Variants in LRRFIP2 observed in about 807,000 individuals in gnomAD.
LRRFIP2 encodes leucine-rich repeat flightless-interacting protein 2.
LRRFIP2 carries 109 observed loss-of-function variants against 125.9 expected under a neutral mutation model. The observed-to-expected ratio is 0.87, with a 90% CI of 0.74 to 1.01. The LOEUF (loss-of-function observed/expected upper bound fraction) is 1.01, where lower values mean the gene tolerates loss of function less well. Ranked by LOEUF, LRRFIP2 falls within the 50% of genes least tolerant of loss-of-function variation. The pLI is 0.00. For missense variants in LRRFIP2, 850 were observed against 862.3 expected (o/e 0.99, Z 0.18); for synonymous variants, 291 against 293.1 (o/e 0.99, Z 0.07).
intron 19 of LRRFIP2, among the ~76,000 whole-genome samples, chr3:37,081,206 C>T (rs2092611342): frequency 6.6e-6 from 1 of 152,184 alleles, no homozygotes; most frequent in African/African-American, 2.4e-5. Context: ...CGTGCCACTG[C>T]ACTCCAGCCT....
intron 1 of LRRFIP2, chr3:37,170,636 G>C (rs1216456678): frequency 6.6e-6 from 1 of 152,100 alleles, no homozygotes; most frequent in African/African-American, 2.4e-5. Flanking sequence ...ATTTTAACTG[G>C]GGCCCTCCCT....
rs761775852 is a variant in LRRFIP2, at chr3:37,165,796, A to AGAAC, written c.-56+8742_-56+8743insGTTC. 1.9e-3 allele frequency among the ~76,000 whole-genome samples: 37 copies of AGAAC among 19,326 alleles called. 1 individual carries two copies. The highest frequency in any genetic ancestry group is 3.2e-3 in the Non-Finnish European group (27 of 8,516). The allele number at this position is 19,326 out of a possible 152,430, so 12.7% of individuals were successfully genotyped here. A position where few individuals can be genotyped will look rare whatever the true frequency, so the allele number is the denominator to read the frequency against. Reference sequence around the variant, plus strand: ...AAAAGAAAAGAAAAGAGAAAGAAAGAGAAAGAAAGAAAGAAAGAAAGAAAG... The same window carrying AGAAC: ...AAAAGAAAAGAAAAGAGAAAGAAAGAGAACGAAAGAAAGAAAGAAAGAAAGAAAG... On this transcript the variant is annotated intron_variant, in intron 1 of 27. Coordinates refer to ENST00000336686, the MANE Select transcript of LRRFIP2 (RefSeq NM_006309.4).
chr3:37,089,425 A>G (rs1444079178), intron 18 of LRRFIP2, among the ~76,000 whole-genome samples: 1 of 152,186 alleles, frequency 6.6e-6, no homozygotes, highest in African/African-American at 2.4e-5. Context: ...AGGCAAACAT[A>G]ATAACAGTAA....
At chr3:37,063,308 G>C (rs1187334065) in intron 24 of LRRFIP2, among the ~76,000 whole-genome samples, 1 of 152,122 alleles carries the variant, frequency 6.6e-6, no homozygotes, top group African/African-American at 2.4e-5. Context: ...GTGTGTGGCA[G>C]GGACAAAGGA....
At chr3:37,089,419 A>C (rs1050095651) in intron 18 of LRRFIP2, among the ~76,000 whole-genome samples, 1 of 152,190 alleles carries the variant, frequency 6.6e-6, no homozygotes, top group African/African-American at 2.4e-5. Flanking sequence ...TCCCAAAGGC[A>C]AACATAATAA....
chr3:37,162,904 T>C, intron 1 of LRRFIP2, among the ~76,000 whole-genome samples: 1 of 152,256 alleles, frequency 6.6e-6, no homozygotes, highest in East Asian at 1.9e-4. Flanking sequence ...GGAGCCTAGA[T>C]GGGCTGAAGA....
intron 1 of LRRFIP2, among the ~76,000 whole-genome samples, chr3:37,167,680 A>G (rs1179328961): frequency 6.6e-6 from 1 of 151,234 alleles, no homozygotes; most frequent in Non-Finnish European, 1.5e-5. Flanking sequence ...AAGAAAGAAA[A>G]AAGAAAAAAA....
intron 24 of LRRFIP2, among the ~76,000 whole-genome samples, chr3:37,061,270 G>A (rs1357781828): frequency 6.6e-6 from 1 of 152,188 alleles, no homozygotes; most frequent in African/African-American, 2.4e-5. Context: ...CCTAAGGTCA[G>A]GAGTTCAAGA....
At chr3:37,129,449 A>AT (rs138266109) in intron 2 of LRRFIP2, among the ~76,000 whole-genome samples, 2 of 152,060 alleles carry the variant, frequency 1.3e-5, no homozygotes, top group Non-Finnish European at 2.9e-5. Context: ...TTTTTCCAGA[A>AT]TTTTTTCCCC....
At chr3:37,133,659 C>T (rs11717310) in intron 2 of LRRFIP2, among the ~76,000 whole-genome samples, 56,724 of 151,730 alleles carry the variant, frequency 0.37, 11,399 homozygotes, top group Non-Finnish European at 0.45. Flanking sequence ...AAATGGGACT[C>T]ACTATTTAAT....
chr3:37,149,668 A>G (rs1023187259), intron 1 of LRRFIP2, among the ~76,000 whole-genome samples: 2 of 152,214 alleles, frequency 1.3e-5, no homozygotes, highest in Non-Finnish European at 2.9e-5. Context: ...TTACAAAAGT[A>G]ACTTTGCTTT....
chr3:37,070,729 C>CA (rs1168884034), intron 21 of LRRFIP2, among the ~76,000 whole-genome samples: 3 of 151,554 alleles, frequency 2.0e-5, no homozygotes, highest in Non-Finnish European at 2.9e-5. Context: ...GATTCCATCT[C>CA]AAAAAAAGAA....
At chr3:37,157,083 T>G (rs1304449086) in intron 1 of LRRFIP2, among the ~76,000 whole-genome samples, 1 of 152,014 alleles carries the variant, frequency 6.6e-6, no homozygotes, top group Non-Finnish European at 1.5e-5. Context: ...GAGCCAAGAT[T>G]GCACCATTGG....
chr3:37,118,971 A>G (rs1001671865), intron 6 of LRRFIP2, among the ~76,000 whole-genome samples: 3 of 152,248 alleles, frequency 2.0e-5, no homozygotes, highest in African/African-American at 7.2e-5. Flanking sequence ...TTTTAAAAGC[A>G]AATAATTTGA....
intron 13 of LRRFIP2, among the ~76,000 whole-genome samples, chr3:37,107,084 A>T (rs757913875): frequency 2.0e-5 from 3 of 151,998 alleles, no homozygotes; most frequent in Non-Finnish European, 4.4e-5. Flanking sequence ...GTGTATTTTT[A>T]GTAGAGGTGG....
At chr3:37,176,325 G>A (rs1466355914), upstream of LRRFIP2, 1 of 152,300 alleles carries the variant, frequency 6.6e-6, no homozygotes, top group Non-Finnish European at 1.5e-5. Flanking sequence ...GCCGACTGAG[G>A]AGGCGAAGGA....
intron 16 of LRRFIP2, 22 bp from the exon 17 acceptor site, chr3:37,094,930 T>G (rs1182179065): frequency 7.2e-7 from 1 of 1,379,832 alleles, no homozygotes; most frequent in African/African-American, 1.4e-5. Flanking sequence ...AATATGACCC[T>G]TCTAAGTCTC....
intron 13 of LRRFIP2, 69 bp downstream of exon 13, chr3:37,108,004 A>G: frequency 2.3e-6 from 3 of 1,286,994 alleles, no homozygotes; most frequent in Non-Finnish European, 3.4e-6. Context: ...TCAATATTCT[A>G]AACAGTGAGT....
At chr3:37,075,878 AAAACCCACTT>A (rs1284250495) in intron 19 of LRRFIP2, among the ~76,000 whole-genome samples, 1 of 152,178 alleles carries the variant, frequency 6.6e-6, no homozygotes. Context: ...GAATTCAGGA[AAAACCCACTT>A]AAATATACAA....
Sources: gnomAD v4.1 joint callset for allele counts (sites outside exome capture counted in the v4.1 genomes callset) on GRCh38, gnomAD v4.1.1 for gene constraint, MANE v1.5 for transcripts, NCBI Gene and HGNC (gene_info 2026-07-23, HGNC 2026-07-21) for gene names.